ST7: variants seen among roughly 807,000 people sequenced by gnomAD.
The protein encoded by ST7 is suppression of tumorigenicity 7.
Under a neutral mutation model 78.7 loss-of-function variants are expected in ST7, and 28 were observed. The ratio of observed to expected loss-of-function variants is 0.36; its 90% CI spans 0.26 to 0.49. The LOEUF is 0.49. ST7 is among the 20% of genes least tolerant of loss of function. The probability of loss-of-function intolerance (pLI) is 0.99; values close to 1 mark genes in which losing one functional copy is unlikely to be tolerated. For synonymous variants in ST7, 247 were observed against 249.6 expected (o/e 0.99, Z 0.10); for missense variants, 418 against 696.0 (o/e 0.60, Z 4.49).
At chr7:117,054,853 T>C (rs1797982835) in intron 1 of ST7, among the ~76,000 whole-genome samples, 2 of 152,326 alleles carry the variant, frequency 1.3e-5, no homozygotes, top group South Asian at 2.1e-4. Flanking sequence ...TCTCATGATA[T>C]TTCTTTACAA....
Position 117,219,220 on chromosome 7 carries a change from G to C in ST7, c.1498+44G>C. ...CAGCCAGTGAGGGTGTGTGGTGAAA[G>C]GTGGGGATTGGAAGAGGTGGGAATA... On this transcript the variant is annotated intron_variant, in intron 14 of 15. Transcript: ENST00000323984. This position sits in a 1 kb window ranked among gnomAD's most constrained non-coding sequence, Gnocchi z 5.1. 1 of 1,508,372 alleles carries C rather than the reference G, an allele frequency of 6.6e-7. No individual in the cohort carries two copies. Among genetic ancestry groups the C allele is most frequent in the Non-Finnish European group, 9.1e-7 (1 of 1,096,974 alleles). The allele number at this position is 1,508,372 out of a possible 1,614,324, so 93.4% of individuals were successfully genotyped here. A position where few individuals can be genotyped will look rare whatever the true frequency, so the allele number is the denominator to read the frequency against.
intron 1 of ST7, among the ~76,000 whole-genome samples, chr7:117,051,149 T>C (rs2116367417): frequency 6.6e-6 from 1 of 152,346 alleles, no homozygotes; most frequent in South Asian, 2.1e-4. Flanking sequence ...TCATTAAAAC[T>C]TACTGTGTTT....
chr7:117,113,541 A>G (rs748285845), intron 2 of ST7, among the ~76,000 whole-genome samples: 57 of 152,340 alleles, frequency 3.7e-4, no homozygotes, highest in Non-Finnish European at 6.6e-4. Flanking sequence ...AGCCTAGAAC[A>G]TAGACCAATG....
At chr7:117,200,818 CTTTTTT>C (rs5886845) in intron 12 of ST7, among the ~76,000 whole-genome samples, 2 of 141,676 alleles carry the variant, frequency 1.4e-5, no homozygotes, top group Non-Finnish European at 3.0e-5. Context: ...AAAATGTACT[CTTTTTT>C]TTTTTTTTTT....
At chr7:117,127,389 A>C (rs1803940249) in intron 3 of ST7, among the ~76,000 whole-genome samples, 1 of 151,920 alleles carries the variant, frequency 6.6e-6, no homozygotes, top group African/African-American at 2.4e-5. Flanking sequence ...AGACAAGATA[A>C]GATTATGGAA....
At chr7:117,024,678 C>G (rs1796102402) in intron 1 of ST7, among the ~76,000 whole-genome samples, 1 of 152,110 alleles carries the variant, frequency 6.6e-6, no homozygotes, top group South Asian at 2.1e-4. Context: ...ACCAACAAAG[C>G]TTTAGTAGGA....
chr7:117,126,996 G>A (rs548224509), intron 3 of ST7, among the ~76,000 whole-genome samples: 6 of 151,984 alleles, frequency 3.9e-5, no homozygotes, highest in East Asian at 1.9e-4. Context: ...ACTGTGAATT[G>A]CTGCATATGG....
intron 1 of ST7, among the ~76,000 whole-genome samples, chr7:116,958,270 G>C (rs1192777470): frequency 6.9e-6 from 1 of 144,056 alleles, no homozygotes; most frequent in Non-Finnish European, 1.5e-5. Flanking sequence ...TGGGATTCCA[G>C]GTGTGAGCCA....
At chr7:116,958,746 G>A (rs2116140757) in intron 1 of ST7, 1 of 467,618 alleles carries the variant, frequency 2.1e-6, no homozygotes, top group South Asian at 1.6e-5. Context: ...ACACTATATT[G>A]TATTATATTA....
chr7:117,152,177 CTATATATATA>C (rs58892731), intron 9 of ST7, among the ~76,000 whole-genome samples: 2,494 of 66,836 alleles, frequency 0.037, 93 homozygotes, highest in South Asian at 0.083. Context: ...TATATAAAAA[CTATATATATA>C]TATATATATA....
chr7:117,094,621 G>A (rs1800884326), intron 1 of ST7, among the ~76,000 whole-genome samples: 1 of 152,130 alleles, frequency 6.6e-6, no homozygotes, highest in African/African-American at 2.4e-5. Flanking sequence ...AAGAGAAAAT[G>A]CACATTTCAT....
Position 117,200,154 on chromosome 7 carries a change from T to C in ST7, c.1254+9218T>C, listed in dbSNP as rs144059519. Among the ~76,000 whole-genome samples, 489 of 152,324 alleles carry C rather than the reference T, an allele frequency of 3.2e-3. 2 individuals are homozygous for C. The highest frequency in any genetic ancestry group is 1.0e-2 in the African/African-American group (415 of 41,576). ...TGTACAAAAACAAATAATTTTTAAC[T>C]TTTTTAAAGCAATAAACATTTTTCC... On this transcript the variant is annotated intron_variant, in intron 12 of 15. Coordinates refer to ENST00000323984, the MANE Select transcript of ST7 (RefSeq NM_001369598.1).
chr7:117,055,142 G>A (rs1371154612), intron 1 of ST7, among the ~76,000 whole-genome samples: 2 of 152,092 alleles, frequency 1.3e-5, no homozygotes, highest in African/African-American at 2.4e-5. Context: ...AATCCTCTGT[G>A]ACATGTGGGT....
At chr7:117,078,220 A>T (rs1486423382) in intron 1 of ST7, among the ~76,000 whole-genome samples, 1 of 152,248 alleles carries the variant, frequency 6.6e-6, no homozygotes, top group South Asian at 2.1e-4. Context: ...ATGTTCATGT[A>T]GTAGTTTTAT....
At chr7:117,097,893 TATATATATATATATA>T (rs1801199539) in intron 1 of ST7, among the ~76,000 whole-genome samples, 2 of 23,436 alleles carry the variant, frequency 8.5e-5, no homozygotes, top group South Asian at 2.7e-3. Context: ...TATATATATA[TATATATATATATATA>T]TTTTTTTTTT....
At chr7:117,067,972 G>A (rs7785492) in intron 1 of ST7, among the ~76,000 whole-genome samples, 42,483 of 151,984 alleles carry the variant, frequency 0.28, 6,107 homozygotes, top group East Asian at 0.41. Context: ...CAAAGCTCCT[G>A]TTATTTTCTA....
chr7:117,023,385 G>T lies in ST7; in HGVS notation c.151+69694G>T, dbSNP rs184947423. On this transcript the variant is annotated intron_variant, in intron 1 of 15. Transcript: ENST00000323984. ...TAAATGCTCTTTTATGCCTGACACT[G>T]CTTTCATCAATATCTCCAATGATAC... is the stretch of plus-strand genomic sequence containing the variant. Among the ~76,000 whole-genome samples the T allele has an allele frequency of 2.0e-3, 300 of 152,266 alleles. 1 individual carries two copies. Among genetic ancestry groups the T allele is most frequent in the Middle Eastern group, 6.8e-3 (2 of 294 alleles).
At chr7:117,159,313 T>G (rs570658116) in intron 9 of ST7, among the ~76,000 whole-genome samples, 3 of 152,298 alleles carry the variant, frequency 2.0e-5, no homozygotes, top group African/African-American at 7.2e-5. Flanking sequence ...AATAGCCAGA[T>G]GATGTAAAAT....
chr7:117,145,710 G>C (rs2117120707), intron 9 of ST7: 1 of 152,262 alleles, frequency 6.6e-6, no homozygotes, highest in East Asian at 1.9e-4. Context: ...TAGGTACTGA[G>C]GGTTAGGATC....
Sources: gnomAD v4.1 joint callset for allele counts (sites outside exome capture counted in the v4.1 genomes callset) on GRCh38, gnomAD v4.1.1 for gene constraint, Gnocchi (gnomAD v3.1) non-coding constraint, MANE v1.5 for transcripts, NCBI Gene and HGNC (gene_info 2026-07-23, HGNC 2026-07-21) for gene names.